The following GSG1L2 variants were observed in gnomAD, a reference collection of about 807,000 sequenced individuals.
The protein encoded by GSG1L2 is germ cell-specific gene 1-like protein 2.
Under a neutral mutation model 9.0 loss-of-function variants are expected in GSG1L2, and 15 were observed. The ratio of observed to expected loss-of-function variants is 1.67; its 90% CI spans 1.12 to 2.57. GSG1L2 has a LOEUF of 2.57. GSG1L2 is among the 30% of genes most tolerant of loss of function. The pLI, the probability that GSG1L2 is intolerant of heterozygous loss-of-function variation, is 0.00. For synonymous variants in GSG1L2, 127 were observed against 57.9 expected, an observed-to-expected ratio of 2.19 and a Z score of -5.41; for missense variants, 286 against 150.3, an observed-to-expected ratio of 1.90 and a Z score of -4.72.
chr17:9,819,566 T>G (rs1049167672), intron 1 of GSG1L2, among the ~76,000 whole-genome samples: 2 of 152,206 alleles, frequency 1.3e-5, no homozygotes, highest in Non-Finnish European at 2.9e-5. Context: ...TGATTTTTCA[T>G]AGTAGCTTTT....
intron 1 of GSG1L2, 138 bp from the exon 2 acceptor site, chr17:9,810,756 C>CT: frequency 1.5e-6 from 1 of 648,636 alleles, no homozygotes; most frequent in East Asian, 2.7e-5. Context: ...ATGAGCTGCT[C>CT]CTCTGTGTGG....
rs554711791 is a variant in GSG1L2 at position 9,802,331 on chromosome 17, G to T, written c.*55C>A. 9.8e-6 allele frequency: 6 copies of T among 609,944 alleles called. No individual in the cohort carries two copies. The highest frequency in any genetic ancestry group is 1.9e-5 in the South Asian group (1 of 53,660). 37.8% of individuals were successfully genotyped at this position (609,944 alleles called of 1,614,324 possible). ...AACCCAGAGGCAGGGTGTACATTGT[G>T]AGTGTCAGTGCCTGGCTTGTTTGCC... is the stretch of plus-strand genomic sequence containing the variant. On this transcript the variant is annotated 3_prime_UTR_variant, in exon 5 of 5. Coordinates refer to ENST00000399363, the MANE Select transcript of GSG1L2 (RefSeq NM_001310219.2).
At chr17:9,807,906 A>G (rs1373285810) in intron 3 of GSG1L2, 1 of 276,628 alleles carries the variant, frequency 3.6e-6, no homozygotes, top group Admixed American at 4.3e-5. Context: ...ATAAGACTTG[A>G]GGGAGGTAGG....
chr17:9,805,730 G>C (rs951972460), intron 4 of GSG1L2: 1 of 152,178 alleles, frequency 6.6e-6, no homozygotes, highest in African/African-American at 2.4e-5. Flanking sequence ...ACTGCAACGA[G>C]CCTGGAACAG....
intron 1 of GSG1L2, chr17:9,810,915 C>T: frequency 4.8e-6 from 2 of 418,296 alleles, no homozygotes; most frequent in Non-Finnish European, 8.6e-6. Context: ...TCTGTAATCC[C>T]AGAGGCCCAT....
Position 9,801,661 on chromosome 17 carries a change from G to C in GSG1L2, c.*725C>G, listed in dbSNP as rs1005883543. ...CCCACCACTGCCTCCAACAAGACCT[G>C]CATGTTTGGTAATGTTTATTTTTAG... On this transcript the variant is annotated 3_prime_UTR_variant, in exon 5 of 5. Transcript: ENST00000399363. 6.6e-6 allele frequency among the ~76,000 whole-genome samples: 1 copy of C among 152,198 alleles called. No individual in the cohort carries two copies. Among genetic ancestry groups the C allele is most frequent in the African/African-American group, 2.4e-5 (1 of 41,458 alleles).
intron 4 of GSG1L2, among the ~76,000 whole-genome samples, chr17:9,807,006 T>C (rs1016069632): frequency 6.6e-6 from 1 of 152,242 alleles, no homozygotes; most frequent in African/African-American, 2.4e-5. Context: ...TGTACATCTA[T>C]TTTTAAGATA....
At chr17:9,806,479 T>G (rs1041419529) in intron 4 of GSG1L2, among the ~76,000 whole-genome samples, 1 of 152,198 alleles carries the variant, frequency 6.6e-6, no homozygotes, top group Admixed American at 6.5e-5. Flanking sequence ...TACATATGCT[T>G]CTTTTGCTAA....
intron 3 of GSG1L2, among the ~76,000 whole-genome samples, chr17:9,808,154 A>G (rs777568618): frequency 7.9e-5 from 12 of 152,218 alleles, no homozygotes; most frequent in Non-Finnish European, 1.6e-4. Context: ...CTGCTACATG[A>G]TGAACTTAAC....
chr17:9,806,292 T>C (rs918558059), intron 4 of GSG1L2, among the ~76,000 whole-genome samples: 1 of 152,160 alleles, frequency 6.6e-6, no homozygotes. Context: ...TGGGCTGCCC[T>C]GTGAATAAAT....
intron 1 of GSG1L2, among the ~76,000 whole-genome samples, chr17:9,817,313 C>T (rs1017475087): frequency 2.0e-5 from 3 of 152,166 alleles, no homozygotes; most frequent in African/African-American, 7.2e-5. Context: ...ACTGATGAAG[C>T]AGCTCCCTCC....
intron 1 of GSG1L2, among the ~76,000 whole-genome samples, chr17:9,816,585 C>A: frequency 1.6e-5 from 1 of 62,718 alleles, no homozygotes. Flanking sequence ...TGTGTGTGCA[C>A]GTGCGTGTCT....
intron 1 of GSG1L2, among the ~76,000 whole-genome samples, chr17:9,811,712 C>T (rs1032015057): frequency 3.3e-5 from 5 of 152,152 alleles, no homozygotes; most frequent in Admixed American, 6.5e-5. Flanking sequence ...TACAGGAGTG[C>T]GTTCAAGGGC....
intron 2 of GSG1L2, 60 bp from the exon 3 acceptor site, chr17:9,809,042 T>C (rs1332405225): frequency 2.9e-6 from 2 of 689,620 alleles, no homozygotes; most frequent in African/African-American, 1.8e-5. Context: ...TACTAAAATG[T>C]TCAATCCTTT....
rs1009402942 is a variant in GSG1L2, at chr17:9,801,241, T to C, written c.*1145A>G. Among the ~76,000 whole-genome samples, 2 of 152,124 alleles carry C rather than the reference T, an allele frequency of 1.3e-5. No individual in the cohort carries two copies. The highest frequency in any genetic ancestry group is 2.4e-5 in the African/African-American group (1 of 41,428). On this transcript the variant is annotated 3_prime_UTR_variant, in exon 5 of 5. Transcript: ENST00000399363. ...TCTTTTTTTTGAGACAGGGTCTCACTCTATTGCCCAGGCTGGAGTGCAATG... is the reference window on the plus strand; with the variant it reads ...TCTTTTTTTTGAGACAGGGTCTCACCCTATTGCCCAGGCTGGAGTGCAATG...
In GSG1L2 at chr17:9,820,179, T is replaced by A. The variant is rs2152025313; in HGVS notation, c.310+1583A>T. Reference sequence around the variant, plus strand: ...TCTCTTAAATTAGAACCTCCAGGACTGGGCACCTGGATATTTCTTTTACAA... The same window carrying A: ...TCTCTTAAATTAGAACCTCCAGGACAGGGCACCTGGATATTTCTTTTACAA... On this transcript the variant is annotated intron_variant, in intron 1 of 4. Transcript: ENST00000399363. This position sits in a 1 kb window ranked among gnomAD's most constrained non-coding sequence, Gnocchi z 4.9. Among the ~76,000 whole-genome samples, 1 of 152,274 alleles carries A rather than the reference T, an allele frequency of 6.6e-6. No homozygotes were observed. The highest frequency in any genetic ancestry group is 2.1e-4 in the South Asian group (1 of 4,820).
At chr17:9,816,436 CTCTGTGTGCGTGTGTCTG>C (rs1490319176) in intron 1 of GSG1L2, among the ~76,000 whole-genome samples, 1 of 112,322 alleles carries the variant, frequency 8.9e-6, no homozygotes, top group African/African-American at 3.7e-5. Context: ...GCGTGTGTCT[CTCTGTGTGCGTGTGTCTG>C]TGTGTGCGTC....
intron 2 of GSG1L2, chr17:9,809,633 T>C (rs1462147588): frequency 6.5e-6 from 1 of 154,380 alleles, no homozygotes; most frequent in African/African-American, 2.4e-5. Context: ...AGAGTGCTGA[T>C]TGGTGCGTTT....
intron 4 of GSG1L2, 119 bp from the exon 5 acceptor site, chr17:9,802,763 G>C (rs1453838258): frequency 1.6e-6 from 1 of 617,728 alleles, no homozygotes; most frequent in African/African-American, 1.8e-5. Context: ...ACTCAGTTTG[G>C]ACCTGCATTT....
Sources: gnomAD v4.1 joint callset for allele counts (sites outside exome capture counted in the v4.1 genomes callset) on GRCh38, gnomAD v4.1.1 for gene constraint, Gnocchi (gnomAD v3.1) non-coding constraint, MANE v1.5 for transcripts, NCBI Gene and HGNC (gene_info 2026-07-23, HGNC 2026-07-21) for gene names.